The following NDUFAF6 variants were observed in gnomAD, a reference collection of about 807,000 sequenced individuals.
NDUFAF6 encodes NADH:ubiquinone oxidoreductase complex assembly factor 6, also known as NADH dehydrogenase (ubiquinone) complex I, assembly factor 6.
In NDUFAF6, 45 loss-of-function variants were observed where a neutral mutation model predicts 40.8. The observed-to-expected ratio is 1.10, with a 90% confidence interval of 0.87 to 1.42. NDUFAF6 has a LOEUF of 1.42. Among genes scored for constraint, NDUFAF6 ranks in the 40% most tolerant of loss-of-function variants. NDUFAF6 has a pLI of 0.00. For synonymous variants in NDUFAF6, 185 were observed against 155.9 expected, an observed-to-expected ratio of 1.19 and a Z score of -1.39; for missense variants, 435 against 418.5, an observed-to-expected ratio of 1.04 and a Z score of -0.34.
chr8:95,025,037 G>T lies in NDUFAF6; in HGVS notation c.29G>T (p.Trp10Leu), dbSNP rs756507716. 7 of 1,413,492 alleles carry T rather than the reference G, an allele frequency of 5.0e-6. No homozygotes were observed. In the South Asian group the frequency reaches 6.4e-5, roughly 13 times the overall value. The allele number at this position is 1,413,492 out of a possible 1,614,324, so 87.6% of individuals were successfully genotyped here. A position where few individuals can be genotyped will look rare whatever the true frequency, so the allele number is the denominator to read the frequency against. MAASAHGSVWGPLRLGIPGL... is the reference protein window; with the variant it reads MAASAHGSVLGPLRLGIPGL... ...GCGGCCTCCGCGCACGGCTCTGTCTGGGGGCCGTTGCGGCTTGGCATCCCC... is the reference window on the plus strand; with the variant it reads ...GCGGCCTCCGCGCACGGCTCTGTCTTGGGGCCGTTGCGGCTTGGCATCCCC... The change falls in exon 1 of 9, where the codon TGG becomes TTG. Residue 10 changes from tryptophan (W) to leucine (L), a missense_variant. By Grantham distance (61) the Trp-to-Leu change is moderately conservative. Coordinates refer to ENST00000396124, the MANE Select transcript of NDUFAF6 (RefSeq NM_152416.4).
intron 2 of NDUFAF6, among the ~76,000 whole-genome samples, chr8:95,007,671 T>TG (rs1255307556): frequency 2.0e-5 from 3 of 150,116 alleles, no homozygotes; most frequent in African/African-American, 7.4e-5. Flanking sequence ...TTTTTTTTTT[T>TG]TTTTTTTTTT....
At chr8:94,985,118 G>C (rs28713284) in intron 2 of NDUFAF6, among the ~76,000 whole-genome samples, 1 of 151,910 alleles carries the variant, frequency 6.6e-6, no homozygotes, top group African/African-American at 2.4e-5. Context: ...AATCTAAGGT[G>C]GGGGGTTCTA....
chr8:95,091,435 A>T (rs951537953), intron 2 of NDUFAF6, among the ~76,000 whole-genome samples: 1 of 152,064 alleles, frequency 6.6e-6, no homozygotes, highest in African/African-American at 2.4e-5. Flanking sequence ...CCCACAAGGT[A>T]TCTCCCTAGA....
At chr8:94,973,688 A>T (rs141680016) in intron 1 of NDUFAF6, among the ~76,000 whole-genome samples, 8 of 147,244 alleles carry the variant, frequency 5.4e-5, no homozygotes, top group Non-Finnish European at 1.0e-4. Flanking sequence ...AGCCTGGGCG[A>T]CAAGAGTGAG....
rs1317178435 is a variant in NDUFAF6 at position 95,058,019 on chromosome 8, G to A, written c.*82G>A. 1.2e-5 allele frequency: 18 copies of A among 1,507,722 alleles called. No individual in the cohort carries two copies. The highest frequency in any genetic ancestry group is 1.1e-5 in the Non-Finnish European group (12 of 1,123,446). The allele number at this position is 1,507,722 out of a possible 1,614,324, so 93.4% of individuals were successfully genotyped here. ...TTCTTATTTAGGAACAACAGGAAAT[G>A]ACTGTTAAGGAGAAAATGAATTTAT... On this transcript the variant is annotated 3_prime_UTR_variant, in exon 9 of 9. Transcript: ENST00000396124.
At chr8:95,113,915 C>T (rs1447351281) in intron 4 of NDUFAF6, among the ~76,000 whole-genome samples, 3 of 149,326 alleles carry the variant, frequency 2.0e-5, no homozygotes, top group African/African-American at 5.0e-5. Context: ...AACAAAAAAC[C>T]AAACACCGCA....
intron 8 of NDUFAF6, among the ~76,000 whole-genome samples, chr8:95,055,607 A>G (rs919561138): frequency 6.6e-5 from 10 of 152,216 alleles, no homozygotes; most frequent in Non-Finnish European, 1.3e-4. Flanking sequence ...ACAGTATATT[A>G]AGGGATAAAA....
chr8:95,084,577 C>A (rs1808978781), intron 2 of NDUFAF6, among the ~76,000 whole-genome samples: 1 of 152,190 alleles, frequency 6.6e-6, no homozygotes, highest in Admixed American at 6.5e-5. Flanking sequence ...TTGGCTAAAA[C>A]ACATTGGCGT....
exon 3 of NDUFAF6, chr8:95,103,069 G>A (rs1563869776): frequency 1.3e-5 from 2 of 152,184 alleles, no homozygotes; most frequent in African/African-American, 4.8e-5. Flanking sequence ...TGCAAAGAGA[G>A]CACTTTTGTC....
At chr8:94,997,369 G>GAC (rs1826502174) in intron 2 of NDUFAF6, among the ~76,000 whole-genome samples, 1 of 149,992 alleles carries the variant, frequency 6.7e-6, no homozygotes, top group African/African-American at 2.5e-5. Context: ...GAGAGAGACA[G>GAC]AGAGAATGTA....
chr8:95,062,242 C>T (rs1832590010), downstream of NDUFAF6, among the ~76,000 whole-genome samples: 1 of 151,920 alleles, frequency 6.6e-6, no homozygotes, highest in Non-Finnish European at 1.5e-5. Flanking sequence ...AGTTGTGTAA[C>T]CTCAGCAAGT....
chr8:95,000,527 T>A (rs917901962), intron 2 of NDUFAF6, among the ~76,000 whole-genome samples: 2 of 151,978 alleles, frequency 1.3e-5, no homozygotes, highest in Non-Finnish European at 2.9e-5. Flanking sequence ...CTAATCTTTT[T>A]ATTAGAATTA....
At chr8:94,941,628 TGAA>T (rs1320977651) in intron 1 of NDUFAF6, among the ~76,000 whole-genome samples, 1 of 152,226 alleles carries the variant, frequency 6.6e-6, no homozygotes, top group Non-Finnish European at 1.5e-5. Context: ...ACAGCTGGCA[TGAA>T]GAAATTTACA....
At chr8:94,934,327 A>T (rs997123309) in intron 1 of NDUFAF6, among the ~76,000 whole-genome samples, 13 of 152,242 alleles carry the variant, frequency 8.5e-5, no homozygotes, top group African/African-American at 3.1e-4. Flanking sequence ...ACACACACAC[A>T]ACACTGCAAA....
chr8:95,112,950 G>A (rs1810038317), intron 4 of NDUFAF6, among the ~76,000 whole-genome samples: 3 of 152,242 alleles, frequency 2.0e-5, no homozygotes, highest in Non-Finnish European at 2.9e-5. Context: ...TGCCAGGCCA[G>A]GCATTGCCCC....
intron 2 of NDUFAF6, among the ~76,000 whole-genome samples, chr8:95,016,997 A>C (rs1313897713): frequency 6.7e-6 from 1 of 149,020 alleles, no homozygotes; most frequent in Admixed American, 6.7e-5. Context: ...GCAGCAGCAC[A>C]ATCATGGCTC....
rs540634024 is a variant in NDUFAF6, at chr8:95,047,652, G to A, written c.714+525G>A. Among the ~76,000 whole-genome samples the A allele has an allele frequency of 5.7e-3, 860 of 151,600 alleles. 5 individuals are homozygous for A. The highest frequency in any genetic ancestry group is 0.02 in the African/African-American group (817 of 41,366). On this transcript the variant is annotated intron_variant, in intron 6 of 8. Coordinates refer to ENST00000396124, the MANE Select transcript of NDUFAF6 (RefSeq NM_152416.4). Reference sequence around the variant, plus strand: ...GGCCTCCCAAGTAGCTGGGACTACAGGCGCCCGCCACCACGCCCAGCTAAT... The same window carrying A: ...GGCCTCCCAAGTAGCTGGGACTACAAGCGCCCGCCACCACGCCCAGCTAAT...
At position 95,094,073 on chromosome 8, in the gene NDUFAF6, C is replaced by T. The variant is rs561944557; in HGVS notation, n.214-7059C>T. ...GCAACCTCTGCTTCCTGGGTTCAAG[C>T]GATTCTCCTGCCTCAGCCTCCCTAG... On this transcript the variant is annotated intron_variant and non_coding_transcript_variant, in intron 2 of 5. Coordinates refer to the NDUFAF6 transcript ENST00000523184. Among the ~76,000 whole-genome samples, 11 of 151,096 alleles carry T rather than the reference C, an allele frequency of 7.3e-5. No individual in the cohort carries two copies. In the East Asian group the frequency reaches 1.8e-3, roughly 24 times the overall value.
chr8:95,051,454 C>G (rs1400046832), intron 7 of NDUFAF6, among the ~76,000 whole-genome samples: 4 of 152,106 alleles, frequency 2.6e-5, no homozygotes, highest in Non-Finnish European at 5.9e-5. Context: ...GGTTGGGGGT[C>G]AAACTGGAGT....
Sources: gnomAD v4.1 joint callset for allele counts (sites outside exome capture counted in the v4.1 genomes callset) on GRCh38, gnomAD v4.1.1 for gene constraint, MANE v1.5 for transcripts, NCBI Gene and HGNC (gene_info 2026-07-23, HGNC 2026-07-21) for gene names.